PRKN: variants seen among roughly 807,000 people sequenced by gnomAD.
The protein encoded by PRKN is E3 ubiquitin-protein ligase parkin.
PRKN carries 56 observed loss-of-function variants against 59.5 expected under a neutral mutation model. The observed-to-expected ratio is 0.94, with a 90% confidence interval of 0.76 to 1.18. The LOEUF (loss-of-function observed/expected upper bound fraction) is 1.18. Among genes scored for constraint, PRKN ranks in the 50% most tolerant of loss-of-function variants. PRKN has a pLI of 0.00. For missense variants in PRKN, 657 were observed against 596.4 expected (o/e 1.10, Z -1.06); for synonymous variants, 250 against 222.1 (o/e 1.13, Z -1.12).
rs1014971140 is a variant in PRKN at position 161,377,099 on chromosome 6, G to C, written c.1167+9695C>G. On this transcript the variant is annotated intron_variant, in intron 10 of 11. Coordinates refer to ENST00000366898, the MANE Select transcript of PRKN (RefSeq NM_004562.3). This position sits in a 1 kb window ranked among gnomAD's most constrained non-coding sequence, Gnocchi z 4.2. The stretch of plus-strand genomic sequence containing the variant: ...ACCCTGTGGATTCCAGGTGTCTGTG[G>C]AGGGAAAAGAGGTCACGTGGGGCTA... Among the ~76,000 whole-genome samples the C allele has an allele frequency of 6.6e-6, 1 of 152,220 alleles. No individual in the cohort carries two copies. The highest frequency in any genetic ancestry group is 1.5e-5 in the Non-Finnish European group (1 of 68,040).
chr6:161,587,212 G>A (rs1266103434), intron 7 of PRKN, among the ~76,000 whole-genome samples: 3 of 152,178 alleles, frequency 2.0e-5, no homozygotes, highest in Non-Finnish European at 2.9e-5. Flanking sequence ...AATTTAGATG[G>A]AAGACAAGCA....
intron 9 of PRKN, among the ~76,000 whole-genome samples, chr6:161,542,067 T>C (rs895261801): frequency 5.9e-5 from 9 of 152,294 alleles, no homozygotes; most frequent in African/African-American, 2.2e-4. Context: ...CTACTCAACA[T>C]GAAGATGATG....
intron 2 of PRKN, among the ~76,000 whole-genome samples, chr6:162,407,473 G>A (rs1364560694): frequency 2.0e-5 from 3 of 152,184 alleles, no homozygotes; most frequent in African/African-American, 4.8e-5. Flanking sequence ...CAAGTTCATT[G>A]TAGCAGATGT....
rs186329836 is a variant in PRKN at position 161,551,114 on chromosome 6, C to T, written c.934-2111G>A. On this transcript the variant is annotated intron_variant, in intron 8 of 11. Transcript: ENST00000366898. The surrounding 1 kb of genome is among the most constrained non-coding windows in gnomAD (Gnocchi z 5.2). ...AAGGTTCTCTGGACAGTGTCATAAG[C>T]TGTGCAATTACCAGAGGATACAATG... Among the ~76,000 whole-genome samples the T allele has an allele frequency of 5.0e-3, 768 of 152,286 alleles. 9 individuals carry two copies. Among genetic ancestry groups the T allele is most frequent in the Middle Eastern group, 0.014 (4 of 294 alleles).
chr6:162,556,374 T>TGTGTGTGTGCGCGC (rs1554243476), intron 1 of PRKN, among the ~76,000 whole-genome samples: 1 of 124,236 alleles, frequency 8.0e-6, no homozygotes, highest in East Asian at 2.7e-4. Flanking sequence ...TGTGTGTGTG[T>TGTGTGTGTGCGCGC]GTGTGTGTGT....
rs1370767431 is a variant in PRKN at position 161,538,323 on chromosome 6, T to C, written c.1083+10531A>G. Among the ~76,000 whole-genome samples the C allele has an allele frequency of 1.3e-5, 2 of 152,146 alleles. No homozygotes were observed. The highest frequency in any genetic ancestry group is 2.4e-5 in the African/African-American group (1 of 41,428). On this transcript the variant is annotated intron_variant, in intron 9 of 11. Coordinates refer to ENST00000366898, the MANE Select transcript of PRKN (RefSeq NM_004562.3). The surrounding 1 kb of genome is among the most constrained non-coding windows in gnomAD (Gnocchi z 4.2). ...CCTTACCCATGGCCTTGTAGTTACT[T>C]GATATTTTTCTTCTCCTTGAAAAAA...
At chr6:162,023,607 G>T (rs1198471490) in intron 5 of PRKN, among the ~76,000 whole-genome samples, 1 of 152,064 alleles carries the variant, frequency 6.6e-6, no homozygotes, top group Admixed American at 6.6e-5. Flanking sequence ...TTCTTCCGCC[G>T]ATGTGCTCCT....
At position 161,548,606 on chromosome 6, in the gene PRKN, A is replaced by G. The variant is rs942100379; in HGVS notation, c.1083+248T>C. ...CTGGCCTAGTGGCTCACAGCATCTT[A>G]AAGTAAATACTTCCATAAGCAACCA... On this transcript the variant is annotated intron_variant, in intron 9 of 11. Transcript: ENST00000366898. This position sits in a 1 kb window ranked among gnomAD's most constrained non-coding sequence, Gnocchi z 4.2. 17 of 502,202 alleles carry G rather than the reference A, an allele frequency of 3.4e-5. No individual in the cohort carries two copies. Among genetic ancestry groups the G allele is most frequent in the African/African-American group, 3.3e-4 (17 of 51,840 alleles). 31.1% of individuals were successfully genotyped at this position (502,202 alleles called of 1,614,324 possible). A position where few individuals can be genotyped will look rare whatever the true frequency, so the allele number is the denominator to read the frequency against.
At chr6:162,405,965 G>A (rs1376647920) in intron 2 of PRKN, among the ~76,000 whole-genome samples, 1 of 152,006 alleles carries the variant, frequency 6.6e-6, no homozygotes, top group Admixed American at 6.6e-5. Flanking sequence ...ATAAAAAGAT[G>A]GCAACAACAA....
In PRKN at chr6:161,483,191, A is replaced by C. The variant is rs1236767965; in HGVS notation, c.1083+65663T>G. Among the ~76,000 whole-genome samples the C allele has an allele frequency of 6.6e-6, 1 of 150,650 alleles. No homozygotes were observed. Among genetic ancestry groups the C allele is most frequent in the African/African-American group, 2.4e-5 (1 of 41,216 alleles). The stretch of plus-strand genomic sequence containing the variant: ...TTGTGTTTCAAAAAAAAAAAAAAAA[A>C]CATGCATTGTTAATGAGACTTCGCC... On this transcript the variant is annotated intron_variant, in intron 9 of 11. Transcript: ENST00000366898. This position sits in a 1 kb window ranked among gnomAD's most constrained non-coding sequence, Gnocchi z 5.0.
chr6:162,398,008 C>T (rs1263133678), intron 2 of PRKN, among the ~76,000 whole-genome samples: 4 of 149,328 alleles, frequency 2.7e-5, no homozygotes, highest in Non-Finnish European at 5.9e-5. Context: ...CTGCACTCCA[C>T]CCTGGGTGAC....
rs528723514 is a variant in PRKN, at chr6:162,065,817, G to A, written c.535-11643C>T. Among the ~76,000 whole-genome samples, 178 of 152,200 alleles carry A rather than the reference G, an allele frequency of 1.2e-3. 1 individual carries two copies. The South Asian group carries it at 0.015, about 13-fold the overall frequency. ...TTCCCACCTATGAGTGAGAACACGC[G>A]GTGTTTGATTTTCTGTCCTTGTGAT... On this transcript the variant is annotated intron_variant, in intron 4 of 11. Coordinates refer to ENST00000366898, the MANE Select transcript of PRKN (RefSeq NM_004562.3).
chr6:162,694,553 C>T (rs1411091529), intron 1 of PRKN, among the ~76,000 whole-genome samples: 1 of 152,174 alleles, frequency 6.6e-6, no homozygotes, highest in African/African-American at 2.4e-5. Flanking sequence ...AACTGTGTCA[C>T]TCCCAAAGAG....
rs770519631 is a variant in PRKN at position 162,727,662 on chromosome 6, C to CT, written c.6dup (p.Val3SerfsTer18). ...CTGTACCTGGCAGGTACCCACGTACCTATCATGGTCACTGGGTAGGTGGCG... is the reference window on the plus strand; with the variant it reads ...CTGTACCTGGCAGGTACCCACGTACCTTATCATGGTCACTGGGTAGGTGGCG... On this transcript the variant is annotated frameshift_variant and splice_region_variant, in exon 1 of 12. Coordinates refer to ENST00000366898, the MANE Select transcript of PRKN (RefSeq NM_004562.3). LOFTEE classifies it high-confidence loss of function. 5 of 1,584,578 alleles carry CT rather than the reference C, an allele frequency of 3.2e-6. No homozygotes were observed. In the African/African-American group the frequency reaches 6.7e-5, roughly 21 times the overall value.
At chr6:162,335,820 A>T (rs1441443313) in intron 2 of PRKN, among the ~76,000 whole-genome samples, 1 of 151,922 alleles carries the variant, frequency 6.6e-6, no homozygotes, top group Non-Finnish European at 1.5e-5. Context: ...TGGTAAGTCC[A>T]TGCCGAGTGA....
At chr6:161,624,645 G>A (rs765992774) in intron 7 of PRKN, among the ~76,000 whole-genome samples, 1 of 152,216 alleles carries the variant, frequency 6.6e-6, no homozygotes, top group Admixed American at 6.5e-5. Context: ...ATTCGCTTCT[G>A]TTTCCCATAG....
chr6:162,725,921 C>T (rs1315908499), intron 1 of PRKN, among the ~76,000 whole-genome samples: 1 of 152,154 alleles, frequency 6.6e-6, no homozygotes, highest in Non-Finnish European at 1.5e-5. Flanking sequence ...TTGTACTGCA[C>T]ACTTATTTGC....
intron 7 of PRKN, among the ~76,000 whole-genome samples, chr6:161,776,686 A>C (rs974987716): frequency 2.0e-5 from 3 of 152,162 alleles, no homozygotes; most frequent in African/African-American, 7.2e-5. Context: ...GGATCTTTAA[A>C]AACTTCCATG....
chr6:161,928,444 G>C (rs1268609576), intron 6 of PRKN, among the ~76,000 whole-genome samples: 1 of 151,550 alleles, frequency 6.6e-6, no homozygotes, highest in Non-Finnish European at 1.5e-5. Context: ...GAAGAGGCAG[G>C]AGATTTAATA....
Sources: allele counts gnomAD v4.1 joint callset (sites outside exome capture counted in the v4.1 genomes callset), GRCh38; gene constraint gnomAD v4.1.1; non-coding constraint Gnocchi (gnomAD v3.1); transcripts MANE v1.5; gene names NCBI Gene and HGNC (gene_info 2026-07-23, HGNC 2026-07-21).